The following ENOX2 variants were observed in gnomAD, a reference collection of about 807,000 sequenced individuals.
The protein encoded by ENOX2 is ecto-NOX disulfide-thiol exchanger 2.
A neutral mutation model predicts 45.0 loss-of-function variants in ENOX2; 36 were observed. The observed-to-expected ratio is 0.80, with a 90% CI of 0.61 to 1.06. The LOEUF (loss-of-function observed/expected upper bound fraction) is 1.06. Ranked by LOEUF, ENOX2 falls within the 50% of genes least tolerant of loss-of-function variation. The pLI is 0.00. For synonymous variants in ENOX2, 174 were observed against 152.3 expected, an observed-to-expected ratio of 1.14 and a Z score of -1.05; for missense variants, 423 against 462.5, an observed-to-expected ratio of 0.91 and a Z score of 0.78.
At chrX:130,793,924 TG>T (rs2077081061) in intron 2 of ENOX2, among the ~76,000 whole-genome samples, 1 of 112,302 alleles carries the variant, frequency 8.9e-6, no homozygotes, top group Admixed American at 9.4e-5. Context: ...AGATGGTAGA[TG>T]GGTGATCTAT....
At chrX:130,856,807 C>A (rs2078314714) in intron 2 of ENOX2, among the ~76,000 whole-genome samples, 1 of 111,387 alleles carries the variant, frequency 9.0e-6, no homozygotes, top group African/African-American at 3.3e-5. Flanking sequence ...AGAACATCTT[C>A]TTTGGCACAA....
At chrX:130,745,292 T>C (rs1603338127) in intron 3 of ENOX2, among the ~76,000 whole-genome samples, 2 of 112,312 alleles carry the variant, frequency 1.8e-5, no homozygotes, top group Admixed American at 1.9e-4. Context: ...GCTAAATCAG[T>C]ACCCTCCTCT....
At chrX:130,719,356 C>T (rs941777166) in intron 3 of ENOX2, among the ~76,000 whole-genome samples, 1 of 109,785 alleles carries the variant, frequency 9.1e-6, no homozygotes, top group East Asian at 2.9e-4. Flanking sequence ...AGTTAGGCTA[C>T]CTGCTTAGGT....
At chrX:130,833,774 C>T (rs953337314) in intron 2 of ENOX2, among the ~76,000 whole-genome samples, 1 of 111,679 alleles carries the variant, frequency 9.0e-6, no homozygotes, top group African/African-American at 3.2e-5. Context: ...CTTTGATTTA[C>T]ATCTTGGGTT....
intron 10 of ENOX2, among the ~76,000 whole-genome samples, chrX:130,649,789 T>C (rs931763001): frequency 8.0e-5 from 9 of 112,011 alleles, no homozygotes; most frequent in African/African-American, 2.9e-4. Context: ...TGGGATACTT[T>C]TCATCAGACA....
At chrX:130,696,080 A>G (rs943834765) in intron 4 of ENOX2, among the ~76,000 whole-genome samples, 2 of 111,960 alleles carry the variant, frequency 1.8e-5, no homozygotes, top group African/African-American at 6.5e-5. Flanking sequence ...GAAAGGTGAG[A>G]CAGGGCCTGG....
intron 10 of ENOX2, among the ~76,000 whole-genome samples, chrX:130,649,632 A>T (rs2036347640): frequency 8.9e-6 from 1 of 112,430 alleles, no homozygotes. Flanking sequence ...TTAGTTTTAA[A>T]GACTTATAAA....
chrX:130,877,868 C>G (rs2078736843), intron 2 of ENOX2, among the ~76,000 whole-genome samples: 1 of 112,236 alleles, frequency 8.9e-6, no homozygotes, highest in African/African-American at 3.2e-5. Context: ...ATACTTCCCT[C>G]ACTGGATTGG....
intron 5 of ENOX2, among the ~76,000 whole-genome samples, chrX:130,685,314 A>G (rs1300304548): frequency 9.0e-6 from 1 of 111,537 alleles, no homozygotes; most frequent in African/African-American, 3.3e-5. Flanking sequence ...CTAGGCAATT[A>G]AAAGGACTTT....
chrX:130,734,547 C>T (rs1361264330), intron 3 of ENOX2, among the ~76,000 whole-genome samples: 1 of 111,616 alleles, frequency 9.0e-6, no homozygotes, highest in African/African-American at 3.3e-5. Flanking sequence ...AATTTCTCTG[C>T]CTCCATGTGT....
chrX:130,890,152 T>C (rs2078963626), intron 2 of ENOX2, among the ~76,000 whole-genome samples: 2 of 108,509 alleles, frequency 1.8e-5, no homozygotes, highest in South Asian at 7.8e-4. Context: ...GGAAAGATGA[T>C]TTTTTTTTTG....
Position 130,647,677 on chromosome X carries a change from T to A in ENOX2, c.1129+8904A>T, listed in dbSNP as rs185505181. Among the ~76,000 whole-genome samples, 8 of 112,442 alleles carry A rather than the reference T, an allele frequency of 7.1e-5. No homozygotes were observed. The East Asian group carries it at 2.2e-3, about 31-fold the overall frequency. ...CTATATTCCTTCACTAACCTCAGGA[T>A]TGAGCAAGGTCTTTTTTATTTATTT... On this transcript the variant is annotated intron_variant, in intron 10 of 14. Coordinates refer to ENST00000394363, the MANE Select transcript of ENOX2 (RefSeq NM_006375.4).
In ENOX2 at chrX:130,763,664, T is replaced by G. The variant is rs966799051; in HGVS notation, c.-39+19883A>C. Among the ~76,000 whole-genome samples, 25 of 110,534 alleles carry G rather than the reference T, an allele frequency of 2.3e-4. 1 individual carries two copies. Among genetic ancestry groups the G allele is most frequent in the Non-Finnish European group, 4.5e-4 (24 of 52,797 alleles). On this transcript the variant is annotated intron_variant, in intron 3 of 14. Coordinates refer to ENST00000394363, the MANE Select transcript of ENOX2 (RefSeq NM_006375.4). Reference sequence around the variant, plus strand: ...CAGGAGGATCACTTGAGCTCAGGAGTTTGAGACCAACCTGGACAACATAGT... The same window carrying G: ...CAGGAGGATCACTTGAGCTCAGGAGGTTGAGACCAACCTGGACAACATAGT...
chrX:130,858,270 C>T lies in ENOX2; in HGVS notation c.-183+43414G>A, dbSNP rs1265686824. 7.3e-5 allele frequency among the ~76,000 whole-genome samples: 8 copies of T among 110,203 alleles called. No individual in the cohort carries two copies. The South Asian group carries it at 3.1e-3, about 43-fold the overall frequency. On this transcript the variant is annotated intron_variant, in intron 2 of 14. Coordinates refer to ENST00000394363, the MANE Select transcript of ENOX2 (RefSeq NM_006375.4). ...AGCTGAGATTACAGATGCATGCCAG[C>T]ACACCTGGCTAATTTTTGTATTTTC...
chrX:130,799,802 C>T (rs985968869), intron 2 of ENOX2, among the ~76,000 whole-genome samples: 2 of 111,204 alleles, frequency 1.8e-5, no homozygotes, highest in Non-Finnish European at 3.8e-5. Context: ...TGGAAGGATG[C>T]TTTCCTAGTA....
intron 3 of ENOX2, among the ~76,000 whole-genome samples, chrX:130,727,038 G>A (rs1181263530): frequency 8.9e-6 from 1 of 112,009 alleles, no homozygotes; most frequent in African/African-American, 3.3e-5. Context: ...AGGTGAGGCT[G>A]GGTGAAGGGA....
In ENOX2 at chrX:130,623,228, C is replaced by G. The variant is rs1262344717; in HGVS notation, c.*2086G>C. On this transcript the variant is annotated 3_prime_UTR_variant, in exon 15 of 15. Transcript: ENST00000394363. ...GCAAACTGGGAGGAGTATACCTATA[C>G]TAAACTGGCAGGAGTAACAGAAACA... 3.6e-5 allele frequency: 4 copies of G among 111,512 alleles called. No homozygotes were observed. The highest frequency in any genetic ancestry group is 1.3e-4 in the African/African-American group (4 of 30,598). 9.2% of individuals were successfully genotyped at this position (111,512 alleles called of 1,213,427 possible).
At chrX:130,754,022 G>A (rs950598771) in intron 3 of ENOX2, among the ~76,000 whole-genome samples, 48 of 111,386 alleles carry the variant, frequency 4.3e-4, no homozygotes, top group African/African-American at 1.5e-3. Flanking sequence ...TACTTATTAT[G>A]TATTTTCAAA....
intron 2 of ENOX2, among the ~76,000 whole-genome samples, chrX:130,860,751 G>A (rs747876349): frequency 1.8e-5 from 2 of 111,183 alleles, no homozygotes; most frequent in African/African-American, 6.5e-5. Context: ...TTCCTATCTG[G>A]TCTCCCTGCT....
Sources: gnomAD v4.1 joint callset for allele counts (sites outside exome capture counted in the v4.1 genomes callset) on GRCh38, gnomAD v4.1.1 for gene constraint, MANE v1.5 for transcripts, NCBI Gene and HGNC (gene_info 2026-07-23, HGNC 2026-07-21) for gene names.